The following RBFOX1 variants were observed in gnomAD, a reference collection of about 807,000 sequenced individuals.
RBFOX1 encodes the protein RNA binding protein fox-1 homolog 1.
Under a neutral mutation model 57.7 loss-of-function variants are expected in RBFOX1, and 8 were observed. That is an observed-to-expected ratio of 0.14 (90% CI 0.08 to 0.25). The LOEUF (loss-of-function observed/expected upper bound fraction) is 0.25, where lower values mean the gene tolerates loss of function less well. Ranked by LOEUF, RBFOX1 falls within the 10% of genes least tolerant of loss-of-function variation. The probability of loss-of-function intolerance (pLI) is 1.00; values close to 1 mark genes in which losing one functional copy is unlikely to be tolerated. For synonymous variants in RBFOX1, 326 were observed against 222.4 expected (o/e 1.47, Z -4.15); for missense variants, 611 against 548.5 (o/e 1.11, Z -1.14).
chr16:5,757,532 G>C (rs529238087), intron 3 of RBFOX1, among the ~76,000 whole-genome samples: 1 of 152,054 alleles, frequency 6.6e-6, no homozygotes, highest in Non-Finnish European at 1.5e-5. Context: ...ACCCAGCCGG[G>C]TGGGAAGCTT....
chr16:6,045,491 G>C (rs971625676), intron 1 of RBFOX1, among the ~76,000 whole-genome samples: 6 of 152,176 alleles, frequency 3.9e-5, no homozygotes, highest in African/African-American at 1.4e-4. Context: ...TTAATGATGA[G>C]TCTGTTTATT....
At chr16:7,397,644 A>G (rs1481031101) in intron 4 of RBFOX1, among the ~76,000 whole-genome samples, 1 of 152,190 alleles carries the variant, frequency 6.6e-6, no homozygotes, top group Non-Finnish European at 1.5e-5. Flanking sequence ...GACTCTGAAG[A>G]ACTTGATGAC....
intron 4 of RBFOX1, among the ~76,000 whole-genome samples, chr16:7,217,039 C>CCCTCCCTT (rs2092204645): frequency 1.8e-5 from 2 of 113,368 alleles, no homozygotes; most frequent in Admixed American, 9.1e-5. Flanking sequence ...CTCCCTCCCT[C>CCCTCCCTT]CCTCCCTCCC....
intron 2 of RBFOX1, among the ~76,000 whole-genome samples, chr16:6,522,163 G>A (rs1305188074): frequency 1.3e-5 from 2 of 149,666 alleles, no homozygotes; most frequent in South Asian, 2.1e-4. Flanking sequence ...CAGTGTGTGT[G>A]TGTGTGTGTG....
intron 4 of RBFOX1, among the ~76,000 whole-genome samples, chr16:5,923,885 A>C (rs2058887917): frequency 6.6e-6 from 1 of 151,994 alleles, no homozygotes; most frequent in Non-Finnish European, 1.5e-5. Context: ...TCCTTTCCCT[A>C]ATTCTTAGAG....
At chr16:6,868,018 T>G (rs2142999123) in intron 3 of RBFOX1, among the ~76,000 whole-genome samples, 1 of 152,344 alleles carries the variant, frequency 6.6e-6, no homozygotes, top group East Asian at 1.9e-4. Flanking sequence ...ACTACTATAC[T>G]TCAGTTAACT....
intron 3 of RBFOX1, among the ~76,000 whole-genome samples, chr16:5,865,890 T>C (rs1597556902): frequency 1.3e-5 from 2 of 151,970 alleles, no homozygotes; most frequent in East Asian, 3.9e-4. Context: ...TGGCCTTTCC[T>C]GTGTGCAGGA....
At chr16:7,568,144 T>G (rs1319069627) in intron 5 of RBFOX1, among the ~76,000 whole-genome samples, 1 of 151,948 alleles carries the variant, frequency 6.6e-6, no homozygotes, top group Admixed American at 6.6e-5. Flanking sequence ...GGTGAATCCA[T>G]CAAGTGAAGT....
intron 4 of RBFOX1, among the ~76,000 whole-genome samples, chr16:7,166,020 G>A (rs1338367342): frequency 6.6e-6 from 1 of 150,784 alleles, no homozygotes; most frequent in Non-Finnish European, 1.5e-5. Flanking sequence ...TATTTTTGTT[G>A]TTGTTGTTGT....
At chr16:7,006,043 G>T (rs892237662) in intron 3 of RBFOX1, among the ~76,000 whole-genome samples, 5 of 152,078 alleles carry the variant, frequency 3.3e-5, no homozygotes, top group Non-Finnish European at 5.9e-5. Context: ...GGTTCCTCAT[G>T]GTATATGTTC....
chr16:7,403,757 G>T (rs1004709781), intron 4 of RBFOX1, among the ~76,000 whole-genome samples: 1 of 152,046 alleles, frequency 6.6e-6, no homozygotes, highest in Non-Finnish European at 1.5e-5. Context: ...TGTTGGCCAG[G>T]TTGGTCTCGA....
intron 4 of RBFOX1, among the ~76,000 whole-genome samples, chr16:7,494,015 T>C (rs1375315683): frequency 6.6e-6 from 1 of 152,212 alleles, no homozygotes; most frequent in African/African-American, 2.4e-5. Context: ...TTTTATTTTT[T>C]GAGATTTTCT....
intron 3 of RBFOX1, among the ~76,000 whole-genome samples, chr16:5,640,483 A>G (rs922184201): frequency 6.6e-6 from 1 of 152,014 alleles, no homozygotes; most frequent in African/African-American, 2.4e-5. Flanking sequence ...CACCATGCAC[A>G]CACATATATG....
chr16:6,256,161 A>ATATGTATATATACG (rs2097660870), intron 1 of RBFOX1, among the ~76,000 whole-genome samples: 4 of 14,950 alleles, frequency 2.7e-4, no homozygotes, highest in Admixed American at 1.1e-3. Flanking sequence ...ATATATATGT[A>ATATGTATATATACG]TATATATATG....
chr16:7,385,119 G>T (rs1016981967), intron 4 of RBFOX1, among the ~76,000 whole-genome samples: 1 of 152,214 alleles, frequency 6.6e-6, no homozygotes, highest in African/African-American at 2.4e-5. Flanking sequence ...AGAGAGGTCT[G>T]AGAATTGGGC....
At chr16:7,129,148 G>C (rs1267910922) in intron 4 of RBFOX1, among the ~76,000 whole-genome samples, 2 of 152,142 alleles carry the variant, frequency 1.3e-5, no homozygotes, top group Non-Finnish European at 2.9e-5. Context: ...CCCAAAGTTA[G>C]ATTTTTAGCA....
intron 4 of RBFOX1, among the ~76,000 whole-genome samples, chr16:6,006,651 T>A (rs779355127): frequency 6.6e-6 from 1 of 152,204 alleles, no homozygotes; most frequent in Admixed American, 6.5e-5. Context: ...CTAGTTTGAG[T>A]TGAGTTTCTG....
At chr16:5,427,762 C>G (rs1231817453) in intron 1 of RBFOX1, among the ~76,000 whole-genome samples, 1 of 152,130 alleles carries the variant, frequency 6.6e-6, no homozygotes, top group East Asian at 1.9e-4. Context: ...ATGCCTTCAC[C>G]TGATTGGATG....
At chr16:5,354,402 T>G (rs945353701) in intron 1 of RBFOX1, among the ~76,000 whole-genome samples, 1 of 152,182 alleles carries the variant, frequency 6.6e-6, no homozygotes, top group Non-Finnish European at 1.5e-5. Flanking sequence ...CTGTACCACT[T>G]ATGGGCCATG....
Sources: allele counts gnomAD v4.1 joint callset (sites outside exome capture counted in the v4.1 genomes callset), GRCh38; gene constraint gnomAD v4.1.1; transcripts MANE v1.5; gene names NCBI Gene and HGNC (gene_info 2026-07-23, HGNC 2026-07-21).